CPPED1: variants seen among roughly 807,000 people sequenced by gnomAD.
CPPED1 encodes serine/threonine-protein phosphatase CPPED1.
A neutral mutation model predicts 28.0 loss-of-function variants in CPPED1; 28 were observed. The observed-to-expected ratio is 1.00, with a 90% CI of 0.74 to 1.37. The LOEUF (loss-of-function observed/expected upper bound fraction) is 1.37. Among genes scored for constraint, CPPED1 ranks in the 40% most tolerant of loss-of-function variants. CPPED1 has a pLI of 0.00. For missense variants in CPPED1, 504 were observed against 416.5 expected, an observed-to-expected ratio of 1.21 and a Z score of -1.83; for synonymous variants, 198 against 180.2, an observed-to-expected ratio of 1.10 and a Z score of -0.79.
intron 2 of CPPED1, among the ~76,000 whole-genome samples, chr16:12,719,632 C>T (rs1040605172): frequency 6.6e-6 from 1 of 152,064 alleles, no homozygotes; most frequent in Admixed American, 6.6e-5. Context: ...CACAAATGAC[C>T]TTAAAAATTA....
chr16:12,765,638 T>C (rs1479181956), intron 2 of CPPED1, among the ~76,000 whole-genome samples: 1 of 152,192 alleles, frequency 6.6e-6, no homozygotes, highest in African/African-American at 2.4e-5. Context: ...TCAAATAATA[T>C]ATAAAGAAAG....
At chr16:12,706,771 C>T (rs769015380) in intron 2 of CPPED1, among the ~76,000 whole-genome samples, 16 of 152,088 alleles carry the variant, frequency 1.1e-4, no homozygotes, top group Non-Finnish European at 2.2e-4. Context: ...GGAGCAGGCA[C>T]GACCTGCTTC....
intron 1 of CPPED1, among the ~76,000 whole-genome samples, chr16:12,782,582 A>G (rs1411251302): frequency 1.4e-5 from 2 of 146,334 alleles, no homozygotes; most frequent in African/African-American, 2.5e-5. Flanking sequence ...ATGTATGGCC[A>G]GGTACAGTGG....
At chr16:12,688,122 C>G (rs1241371369) in intron 3 of CPPED1, among the ~76,000 whole-genome samples, 1 of 151,550 alleles carries the variant, frequency 6.6e-6, no homozygotes, top group African/African-American at 2.4e-5. Flanking sequence ...CTCGACCACC[C>G]CAGGCTCAGG....
chr16:12,729,311 T>C lies in CPPED1; in HGVS notation c.290-24262A>G, dbSNP rs536601377. On this transcript the variant is annotated intron_variant, in intron 2 of 3. Transcript: ENST00000381774. ...ATATTATTAATATTACAAGGTTAAT[T>C]TGGGGACATTACAAGGTTTAAGGTT... Among the ~76,000 whole-genome samples the C allele has an allele frequency of 2.3e-3, 348 of 152,218 alleles. 1 individual carries two copies. The highest frequency in any genetic ancestry group is 2.7e-3 in the South Asian group (13 of 4,822).
At chr16:12,794,656 C>T (rs896676471) in intron 1 of CPPED1, among the ~76,000 whole-genome samples, 14 of 152,038 alleles carry the variant, frequency 9.2e-5, no homozygotes, top group African/African-American at 2.4e-4. Context: ...ATCTGAAATC[C>T]GAAATGCTTT....
intron 2 of CPPED1, among the ~76,000 whole-genome samples, chr16:12,726,365 C>T (rs1483619980): frequency 1.8e-5 from 2 of 109,578 alleles, no homozygotes; most frequent in Non-Finnish European, 3.5e-5. Flanking sequence ...TTTTTTAATA[C>T]AGAGTCTCAC....
At chr16:12,708,285 C>T (rs987045397) in intron 2 of CPPED1, among the ~76,000 whole-genome samples, 4 of 152,130 alleles carry the variant, frequency 2.6e-5, no homozygotes, top group Admixed American at 1.3e-4. Flanking sequence ...GGGTTGGTCT[C>T]TTGCCCCTTA....
At chr16:12,731,465 A>T (rs980124402) in intron 2 of CPPED1, among the ~76,000 whole-genome samples, 1 of 151,852 alleles carries the variant, frequency 6.6e-6, no homozygotes, top group Non-Finnish European at 1.5e-5. Context: ...AAGGGGATAA[A>T]GATGAAAGTT....
At chr16:12,756,380 G>A (rs897262414) in intron 2 of CPPED1, among the ~76,000 whole-genome samples, 3 of 152,202 alleles carry the variant, frequency 2.0e-5, no homozygotes, top group Admixed American at 6.5e-5. Context: ...CTACTCTGGG[G>A]CTGTGGCAGC....
rs147595678 is a variant in CPPED1, at chr16:12,714,953, G to A, written c.290-9904C>T. Among the ~76,000 whole-genome samples the A allele has an allele frequency of 7.3e-3, 888 of 121,692 alleles. 6 individuals carry two copies. The highest frequency in any genetic ancestry group is 0.045 in the Middle Eastern group (11 of 244). The allele number at this position is 121,692 out of a possible 152,430, so 79.8% of individuals were successfully genotyped here. A position where few individuals can be genotyped will look rare whatever the true frequency, so the allele number is the denominator to read the frequency against. On this transcript the variant is annotated intron_variant, in intron 2 of 3. Transcript: ENST00000381774. ...TCTTCTTTGGGCTTTGATCCATTTT[G>A]AGTTCATTTTTTTTTTTAATATGGT...
intron 2 of CPPED1, among the ~76,000 whole-genome samples, chr16:12,715,458 G>C (rs571314275): frequency 6.6e-6 from 1 of 152,054 alleles, no homozygotes; most frequent in Non-Finnish European, 1.5e-5. Context: ...TCAAGAGTTC[G>C]AGACTAGCCT....
chr16:12,777,279 AGTAACAAACT>A (rs2080503232), intron 2 of CPPED1, among the ~76,000 whole-genome samples: 1 of 152,238 alleles, frequency 6.6e-6, no homozygotes, highest in Non-Finnish European at 1.5e-5. Flanking sequence ...TGTATATGTT[AGTAACAAACT>A]GTTCTAAAGG....
intron 2 of CPPED1, among the ~76,000 whole-genome samples, chr16:12,728,656 T>C (rs2080181796): frequency 6.6e-6 from 1 of 152,220 alleles, no homozygotes; most frequent in South Asian, 2.1e-4. Flanking sequence ...CCTGTTACTC[T>C]ACAACAAGAT....
At chr16:12,797,519 C>T (rs1305390609) in intron 1 of CPPED1, among the ~76,000 whole-genome samples, 1 of 151,956 alleles carries the variant, frequency 6.6e-6, no homozygotes, top group Admixed American at 6.5e-5. Flanking sequence ...CATGCCACTG[C>T]ACTCCAGCAT....
At chr16:12,673,122 C>A (rs566000482) in intron 3 of CPPED1, among the ~76,000 whole-genome samples, 153 of 152,328 alleles carry the variant, frequency 1.0e-3, no homozygotes, top group African/African-American at 3.6e-3. Context: ...AGGGCACAAA[C>A]TGTGCAGTTC....
At chr16:12,683,559 C>A (rs1381968997) in intron 3 of CPPED1, among the ~76,000 whole-genome samples, 1 of 152,232 alleles carries the variant, frequency 6.6e-6, no homozygotes, top group African/African-American at 2.4e-5. Context: ...CCGCTTACTT[C>A]TTTTGCCCCA....
intron 2 of CPPED1, among the ~76,000 whole-genome samples, chr16:12,769,577 G>T (rs1178848483): frequency 6.6e-6 from 1 of 152,124 alleles, no homozygotes; most frequent in African/African-American, 2.4e-5. Context: ...GTCATATAAG[G>T]TAAATTAGTT....
chr16:12,714,761 G>A (rs1466848423), intron 2 of CPPED1, among the ~76,000 whole-genome samples: 1 of 151,928 alleles, frequency 6.6e-6, no homozygotes, highest in Non-Finnish European at 1.5e-5. Context: ...TCACTTTTTT[G>A]ATAATGTCCT....
Sources: allele counts gnomAD v4.1 joint callset (sites outside exome capture counted in the v4.1 genomes callset), GRCh38; gene constraint gnomAD v4.1.1; transcripts MANE v1.5; gene names NCBI Gene and HGNC (gene_info 2026-07-23, HGNC 2026-07-21).